GALNT14: variants seen among roughly 807,000 people sequenced by gnomAD.
GALNT14 encodes polypeptide N-acetylgalactosaminyltransferase 14.
In GALNT14, 60 loss-of-function variants were observed where a neutral mutation model predicts 77.5. That is an observed-to-expected ratio of 0.77 (90% CI 0.63 to 0.96). GALNT14 has a LOEUF of 0.96. Among genes scored for constraint, GALNT14 ranks in the 40% least tolerant of loss-of-function variants. The probability of loss-of-function intolerance (pLI) is 0.00; values close to 1 mark genes in which losing one functional copy is unlikely to be tolerated. For missense variants in GALNT14, 710 were observed against 731.0 expected, an observed-to-expected ratio of 0.97 and a Z score of 0.33; for synonymous variants, 280 against 281.7, an observed-to-expected ratio of 0.99 and a Z score of 0.06.
chr2:31,127,198 C>A (rs1019998129), intron 1 of GALNT14, among the ~76,000 whole-genome samples: 3 of 152,176 alleles, frequency 2.0e-5, no homozygotes, highest in African/African-American at 7.2e-5. Flanking sequence ...CAGTCAGTTA[C>A]CCCAACCCAG....
intron 1 of GALNT14, among the ~76,000 whole-genome samples, chr2:31,023,935 T>G (rs1342375891): frequency 1.3e-5 from 2 of 152,062 alleles, no homozygotes; most frequent in Admixed American, 1.3e-4. Context: ...CCTCCAACCC[T>G]CTCATATCCA....
the GALNT14 span, among the ~76,000 whole-genome samples, chr2:30,892,506 T>C: frequency 6.6e-6 from 1 of 152,332 alleles, no homozygotes; most frequent in East Asian, 1.9e-4. Context: ...AGCAATTTAT[T>C]ATGTCTTGTG....
chr2:30,903,886 T>A, the GALNT14 span, among the ~76,000 whole-genome samples: 9 of 152,324 alleles, frequency 5.9e-5, 1 homozygote, highest in East Asian at 1.7e-3. Flanking sequence ...TATGGATTGG[T>A]TCTTCTCTTA....
intron 1 of GALNT14, among the ~76,000 whole-genome samples, chr2:31,068,958 G>T (rs1475910082): frequency 6.6e-6 from 1 of 152,212 alleles, no homozygotes; most frequent in Non-Finnish European, 1.5e-5. Flanking sequence ...CAAATGTGTG[G>T]AGACAGAAAG....
chr2:30,966,221 C>G lies in GALNT14; in HGVS notation c.381G>C (p.Leu127=). 11 of 1,613,940 alleles carry G rather than the reference C, an allele frequency of 6.8e-6. No individual in the cohort carries two copies. The highest frequency in any genetic ancestry group is 9.3e-6 in the Non-Finnish European group (11 of 1,179,850). Residue 127 remains leucine, a synonymous_variant, in exon 3 of 15, where the codon CTG becomes CTC. Transcript: ENST00000349752. ...ITFHNEARST[L]LRTIRSVLNR... The stretch of plus-strand genomic sequence containing the variant: ...TGCCTCACCTGCGGATGGTCCTGAG[C>G]AGCGTGGAGCGGGCCTCGTTGTGGA...
chr2:31,032,104 G>T (rs1370697170), intron 1 of GALNT14, among the ~76,000 whole-genome samples: 1 of 152,232 alleles, frequency 6.6e-6, no homozygotes, highest in Non-Finnish European at 1.5e-5. Context: ...GACTCTCATG[G>T]ATACAAAATG....
chr2:31,016,110 A>G (rs1345669852), intron 1 of GALNT14, among the ~76,000 whole-genome samples: 2 of 152,140 alleles, frequency 1.3e-5, no homozygotes, highest in Non-Finnish European at 2.9e-5. Context: ...CTTAAACAAC[A>G]GAAGTTTATT....
intron 6 of GALNT14, among the ~76,000 whole-genome samples, chr2:30,947,549 A>G (rs1666775111): frequency 2.6e-5 from 4 of 152,216 alleles, no homozygotes; most frequent in Admixed American, 2.6e-4. Context: ...CATTGCCCAG[A>G]GAGGTGTCAA....
intron 1 of GALNT14, among the ~76,000 whole-genome samples, chr2:31,118,353 G>C (rs1678221420): frequency 6.6e-6 from 1 of 151,990 alleles, no homozygotes; most frequent in African/African-American, 2.4e-5. Flanking sequence ...TATGAAAATA[G>C]ATGTTAAAAT....
At chr2:30,939,465 G>A (rs1451373825) in intron 9 of GALNT14, among the ~76,000 whole-genome samples, 1 of 152,202 alleles carries the variant, frequency 6.6e-6, no homozygotes, top group Non-Finnish European at 1.5e-5. Context: ...GGCAGGAGCA[G>A]GCTGATGAGG....
chr2:31,124,246 GC>G (rs1237783441), intron 1 of GALNT14, among the ~76,000 whole-genome samples: 5 of 152,186 alleles, frequency 3.3e-5, no homozygotes, highest in African/African-American at 1.2e-4. Flanking sequence ...TGGCACTCCT[GC>G]CAGGGCTCTA....
intron 13 of GALNT14, among the ~76,000 whole-genome samples, chr2:30,923,222 C>T (rs1339323497): frequency 1.3e-5 from 2 of 151,356 alleles, no homozygotes; most frequent in Admixed American, 1.3e-4. Context: ...GCCACCCTGC[C>T]CGGCTAATTT....
chr2:31,035,538 G>C (rs1672662317), intron 1 of GALNT14, among the ~76,000 whole-genome samples: 1 of 139,458 alleles, frequency 7.2e-6, no homozygotes, highest in East Asian at 2.3e-4. Flanking sequence ...ATCAATGGTA[G>C]ACTGGATAAA....
intron 8 of GALNT14, among the ~76,000 whole-genome samples, chr2:30,944,597 C>T (rs948815365): frequency 3.3e-5 from 5 of 152,186 alleles, no homozygotes; most frequent in Admixed American, 3.3e-4. Flanking sequence ...CCGACATTAG[C>T]AGGAGGCACA....
chr2:31,087,379 G>T (rs1260980679), intron 1 of GALNT14, among the ~76,000 whole-genome samples: 1 of 146,730 alleles, frequency 6.8e-6, no homozygotes. Context: ...AACTGTGAGA[G>T]AAATGCACAT....
intron 1 of GALNT14, among the ~76,000 whole-genome samples, chr2:31,052,122 C>T (rs924797978): frequency 2.0e-4 from 31 of 152,210 alleles, no homozygotes; most frequent in African/African-American, 7.0e-4. Context: ...CTGAGGCATC[C>T]CTTCACCTGA....
At chr2:31,002,289 G>T (rs1420320106) in intron 1 of GALNT14, among the ~76,000 whole-genome samples, 1 of 152,066 alleles carries the variant, frequency 6.6e-6, no homozygotes, top group Non-Finnish European at 1.5e-5. Flanking sequence ...AATTACCCGG[G>T]CGTGGTGATG....
At chr2:30,950,795 A>T (rs1379458008) in intron 6 of GALNT14, among the ~76,000 whole-genome samples, 1 of 152,256 alleles carries the variant, frequency 6.6e-6, no homozygotes. Context: ...GGCAGCAGGC[A>T]GACATTGCTC....
chr2:31,116,133 A>G (rs1365364357), intron 1 of GALNT14, among the ~76,000 whole-genome samples: 3 of 152,194 alleles, frequency 2.0e-5, no homozygotes, highest in African/African-American at 7.2e-5. Context: ...TATGCCTTCG[A>G]ATGTCCTGGA....
Sources: gnomAD v4.1 joint callset for allele counts (sites outside exome capture counted in the v4.1 genomes callset) on GRCh38, gnomAD v4.1.1 for gene constraint, MANE v1.5 for transcripts, NCBI Gene and HGNC (gene_info 2026-07-23, HGNC 2026-07-21) for gene names.